LOXL4: variants seen among roughly 807,000 people sequenced by gnomAD.
LOXL4 encodes the protein lysyl oxidase homolog 4.
In LOXL4, 72 loss-of-function variants were observed where a neutral mutation model predicts 89.1. The observed-to-expected ratio is 0.81, with a 90% confidence interval of 0.67 to 0.98. The LOEUF (loss-of-function observed/expected upper bound fraction) is 0.98, where lower values mean the gene tolerates loss of function less well. Ranked by LOEUF, LOXL4 falls within the 50% of genes least tolerant of loss-of-function variation. The pLI is 0.00. For missense variants in LOXL4, 984 were observed against 1,017.5 expected (o/e 0.97, Z 0.45); for synonymous variants, 355 against 392.1 (o/e 0.91, Z 1.12).
intron 8 of LOXL4, 143 bp downstream of exon 8, chr10:98,257,507 C>T: frequency 9.7e-7 from 1 of 1,029,792 alleles, no homozygotes; most frequent in Non-Finnish European, 1.4e-6. Context: ...CAGGTCGGCT[C>T]TAAGGGAAGG....
chr10:98,262,882 C>T lies in LOXL4; in HGVS notation c.138G>A (p.Leu46=). The T allele has an allele frequency of 6.2e-7, 1 of 1,613,726 alleles. No individual in the cohort carries two copies. The highest frequency in any genetic ancestry group is 8.5e-7 in the Non-Finnish European group (1 of 1,180,040). The change falls in exon 2 of 15, where the codon CTG becomes CTA. Residue 46 remains leucine, a synonymous_variant. Transcript: ENST00000260702. The stretch of plus-strand genomic sequence containing the variant: ...CCCACTGGCCCTGGTGCAGCACCTC[C>T]AGGCGGCCCTCCTCTGGCTTGCTCT... The part of the protein sequence containing the change: ...GPESKPEEGR[L]EVLHQGQWGT...
intron 10 of LOXL4, among the ~76,000 whole-genome samples, chr10:98,254,201 C>G (rs1451481567): frequency 6.6e-6 from 1 of 152,240 alleles, no homozygotes. Context: ...GCAGTTGAAG[C>G]TAGTATTTAT....
intron 9 of LOXL4, chr10:98,256,177 C>G (rs1170375533): frequency 5.6e-6 from 1 of 177,750 alleles, no homozygotes; most frequent in Non-Finnish European, 1.2e-5. Context: ...GCGGTCATGC[C>G]TAAGTCCTCT....
At chr10:98,258,943 C>T in intron 6 of LOXL4, 66 bp downstream of exon 6, 1 of 1,346,754 alleles carries the variant, frequency 7.4e-7, no homozygotes, top group South Asian at 1.5e-5. Context: ...CCCCGCACCC[C>T]CCACCAGGCA....
intron 3 of LOXL4, 58 bp downstream of exon 3, chr10:98,261,977 G>T (rs1564761493): frequency 6.7e-7 from 1 of 1,501,408 alleles, no homozygotes; most frequent in East Asian, 2.4e-5. Flanking sequence ...CTTCTGGGAG[G>T]CTCTCTGTTC....
At chr10:98,263,378 C>T (rs1858600694) in intron 1 of LOXL4, among the ~76,000 whole-genome samples, 1 of 152,204 alleles carries the variant, frequency 6.6e-6, no homozygotes, top group Admixed American at 6.5e-5. Context: ...ATGGAAAGTG[C>T]TTAGCAAAGT....
chr10:98,261,990 T>A (rs752156271), intron 3 of LOXL4, 45 bp downstream of exon 3: 1 of 1,541,104 alleles, frequency 6.5e-7, no homozygotes, highest in Non-Finnish European at 8.7e-7. Context: ...CTCTGTTCTC[T>A]GACCCAGCCC....
chr10:98,261,296 A>T (rs1858534054), intron 3 of LOXL4, among the ~76,000 whole-genome samples, 169 bp from the exon 4 acceptor site: 1 of 152,176 alleles, frequency 6.6e-6, no homozygotes, highest in South Asian at 2.1e-4. Flanking sequence ...GGGAGGCATT[A>T]TCAAAGGCCA....
chr10:98,266,711 G>A (rs759389520), intron 1 of LOXL4, among the ~76,000 whole-genome samples: 3 of 151,608 alleles, frequency 2.0e-5, no homozygotes, highest in South Asian at 2.1e-4. Flanking sequence ...TATAGCCTTC[G>A]TCTCCCAGCC....
chr10:98,255,358 T>G (rs1031087530), intron 10 of LOXL4, among the ~76,000 whole-genome samples: 4 of 152,222 alleles, frequency 2.6e-5, no homozygotes, highest in African/African-American at 9.6e-5. Flanking sequence ...TTGTGCTTCC[T>G]CATGTTCTCA....
At chr10:98,256,975 T>TGGGGTAGCCTTGCAGGGAAGAGCTCA in intron 8 of LOXL4, 28 bp from the exon 9 acceptor site, 1 of 1,606,702 alleles carries the variant, frequency 6.2e-7, no homozygotes, top group Non-Finnish European at 8.5e-7. Context: ...GTGTGAGGAG[T>TGGGGTAGCCTTGCAGGGAAGAGCTCA]GGGGTAGCCT....
Position 98,251,140 on chromosome 10 carries a change from C to A in LOXL4, c.2125G>T (p.Asp709Tyr). Residue 709 changes from aspartate to tyrosine, a missense_variant, in exon 14 of 15, where the codon GAT becomes TAT. Transcript: ENST00000260702. ...CACTGCAGCATATTGTTGGAGAAAT[C>A]TGACTCTGCCACTTCATAGTGGGGG... is the stretch of plus-strand genomic sequence containing the variant. ...VNPHYEVAESDFSNNMLQCRC... is the reference protein window; with the variant it reads ...VNPHYEVAESYFSNNMLQCRC... The A allele has an allele frequency of 1.9e-6, 3 of 1,614,142 alleles. No individual in the cohort carries two copies. In the East Asian group the frequency reaches 6.7e-5, roughly 36 times the overall value.
Position 98,253,699 on chromosome 10 carries a change from G to T in LOXL4, c.1689C>A (p.Asn563Lys). 1.9e-6 allele frequency: 3 copies of T among 1,614,264 alleles called. No homozygotes were observed. Among genetic ancestry groups the T allele is most frequent in the Non-Finnish European group, 1.7e-6 (2 of 1,180,044 alleles). ...TGTGATCCGCAGACTTGGAGAGGCAGTTCTCCTCGTGGGCACAATACAGCT... is the reference window on the plus strand; with the variant it reads ...TGTGATCCGCAGACTTGGAGAGGCATTTCTCCTCGTGGGCACAATACAGCT... ...LSQLYCAHEENCLSKSADHMD... is the reference protein window; with the variant it reads ...LSQLYCAHEEKCLSKSADHMD... The change falls in exon 11 of 15, where the codon AAC (asparagine) becomes AAA (lysine). Residue 563 changes from asparagine to lysine, a missense_variant. Asn to Lys is a moderately conservative substitution (Grantham distance 94). Coordinates refer to ENST00000260702, the MANE Select transcript of LOXL4 (RefSeq NM_032211.7).
intron 9 of LOXL4, 78 bp downstream of exon 9, chr10:98,256,702 C>T (rs957509286): frequency 8.4e-6 from 13 of 1,546,846 alleles, no homozygotes; most frequent in African/African-American, 2.7e-5. Context: ...AAAGAGGCAG[C>T]AGCTTTAGCA....
intron 10 of LOXL4, 71 bp downstream of exon 10, chr10:98,255,506 C>T: frequency 6.7e-7 from 1 of 1,497,000 alleles, no homozygotes; most frequent in South Asian, 1.3e-5. Context: ...CTGGGACCAG[C>T]ATGCAGGGCC....
chr10:98,260,013 T>A (rs954368219), intron 4 of LOXL4, among the ~76,000 whole-genome samples: 1 of 152,080 alleles, frequency 6.6e-6, no homozygotes, highest in African/African-American at 2.4e-5. Context: ...TCAAACTGAT[T>A]GGGGTGGCAG....
chr10:98,251,274 A>G, intron 13 of LOXL4, 98 bp from the exon 14 acceptor site: 2 of 988,262 alleles, frequency 2.0e-6, no homozygotes, highest in South Asian at 1.4e-5. Context: ...TATTTGCTTC[A>G]TTAATTCTTA....
In LOXL4 at chr10:98,256,793, A is replaced by G. The variant is rs146839149; in HGVS notation, c.1415T>C (p.Ile472Thr). The G allele has an allele frequency of 1.2e-6, 2 of 1,614,136 alleles. No individual in the cohort carries two copies. The highest frequency in any genetic ancestry group is 2.2e-5 in the South Asian group (2 of 91,084). ...ACRQLGLGFA[I>T]HAYKETWFWS... ...AGAGGGACCTACCTTGTAGGCATGG[A>G]TGGCAAAACCCAGGCCGAGCTGTCG... Residue 472 changes from isoleucine (I) to threonine (T), a missense_variant, in exon 9 of 15, where the codon ATC (isoleucine) becomes ACC (threonine). By Grantham distance (89) the Ile-to-Thr change is moderately conservative. Coordinates refer to ENST00000260702, the MANE Select transcript of LOXL4 (RefSeq NM_032211.7).
intron 4 of LOXL4, 93 bp from the exon 5 acceptor site, chr10:98,259,522 A>C: frequency 9.2e-7 from 1 of 1,083,192 alleles, no homozygotes; most frequent in Admixed American, 1.9e-5. Context: ...AAGTTTGCAC[A>C]GGACTTTACA....
Sources: allele counts gnomAD v4.1 joint callset (sites outside exome capture counted in the v4.1 genomes callset), GRCh38; gene constraint gnomAD v4.1.1; transcripts MANE v1.5; gene names NCBI Gene and HGNC (gene_info 2026-07-23, HGNC 2026-07-21).